WWOX: variants seen among roughly 807,000 people sequenced by gnomAD.
WWOX encodes the protein WW domain-containing oxidoreductase.
Under a neutral mutation model 46.2 loss-of-function variants are expected in WWOX, and 69 were observed. The observed-to-expected ratio is 1.49, with a 90% CI of 1.23 to 1.82. WWOX has a LOEUF of 1.82. WWOX is among the 40% of genes most tolerant of loss of function. The pLI, the probability that WWOX is intolerant of heterozygous loss-of-function variation, is 0.00. For synonymous variants in WWOX, 359 were observed against 202.6 expected (o/e 1.77, Z -6.56); for missense variants, 919 against 542.6 (o/e 1.69, Z -6.89).
chr16:79,027,897 G>C (rs1186632601), intron 8 of WWOX, among the ~76,000 whole-genome samples: 2 of 151,774 alleles, frequency 1.3e-5, no homozygotes, highest in Non-Finnish European at 2.9e-5. Context: ...TAATGTCTCA[G>C]TGTTTGAGTA....
chr16:79,087,518 C>A (rs986148330), intron 8 of WWOX, among the ~76,000 whole-genome samples: 1 of 152,192 alleles, frequency 6.6e-6, no homozygotes, highest in Non-Finnish European at 1.5e-5. Flanking sequence ...TGTGCTAGAA[C>A]AACAAGCTTG....
chr16:78,382,964 TC>T (rs2081986518), intron 5 of WWOX, among the ~76,000 whole-genome samples: 1 of 151,656 alleles, frequency 6.6e-6, no homozygotes, highest in South Asian at 2.1e-4. Flanking sequence ...TTAGGAAACT[TC>T]CAATCATGGC....
At chr16:78,390,469 CAA>C (rs1179588243) in intron 6 of WWOX, among the ~76,000 whole-genome samples, 1 of 152,182 alleles carries the variant, frequency 6.6e-6, no homozygotes, top group Non-Finnish European at 1.5e-5. Flanking sequence ...GGTTGAGAAA[CAA>C]GGGTGATTTT....
chr16:78,469,423 C>G (rs1290610572), intron 8 of WWOX, among the ~76,000 whole-genome samples: 3 of 152,074 alleles, frequency 2.0e-5, no homozygotes, highest in Non-Finnish European at 4.4e-5. Context: ...TGAAGGCAAA[C>G]CAAAAGTGAG....
chr16:78,264,315 G>C (rs187397955), intron 5 of WWOX, among the ~76,000 whole-genome samples: 140 of 152,152 alleles, frequency 9.2e-4, no homozygotes, highest in Non-Finnish European at 1.8e-3. Flanking sequence ...TTATACATGC[G>C]GAAGAATTAT....
intron 8 of WWOX, among the ~76,000 whole-genome samples, chr16:79,037,904 G>A (rs1178489694): frequency 2.6e-5 from 4 of 152,046 alleles, no homozygotes; most frequent in Non-Finnish European, 4.4e-5. Flanking sequence ...TGCAGCCAAA[G>A]GACAGGCTTT....
intron 8 of WWOX, among the ~76,000 whole-genome samples, chr16:78,950,630 C>A (rs1178769584): frequency 6.6e-6 from 1 of 151,702 alleles, no homozygotes; most frequent in Admixed American, 6.6e-5. Flanking sequence ...AAAATGACTT[C>A]CATTAAATAG....
chr16:78,858,767 C>G (rs867152543), intron 8 of WWOX, among the ~76,000 whole-genome samples: 8 of 151,870 alleles, frequency 5.3e-5, no homozygotes, highest in Admixed American at 6.6e-5. Flanking sequence ...CAGCCTCAAA[C>G]TTCTAGGCTT....
intron 8 of WWOX, among the ~76,000 whole-genome samples, chr16:78,678,054 T>C (rs1011772938): frequency 6.6e-6 from 1 of 152,332 alleles, no homozygotes; most frequent in East Asian, 1.9e-4. Context: ...TTAGCAGACA[T>C]CATTTCTCTG....
intron 8 of WWOX, among the ~76,000 whole-genome samples, chr16:79,124,029 G>T (rs978358505): frequency 6.6e-6 from 1 of 152,158 alleles, no homozygotes; most frequent in African/African-American, 2.4e-5. Flanking sequence ...GCCCCTGATT[G>T]TCTTATTAAA....
Position 78,680,700 on chromosome 16 carries a change from C to A in WWOX, c.1056+247948C>A, listed in dbSNP as rs139743803. 5.4e-4 allele frequency among the ~76,000 whole-genome samples: 83 copies of A among 152,338 alleles called. 2 individuals are homozygous for A. The East Asian group carries it at 7.7e-3, about 14-fold the overall frequency. ...ATCCGGACACATCTAGTGGCTCCCA[C>A]TGTGGGTAGCACATACAGAAAGAAC... On this transcript the variant is annotated intron_variant, in intron 8 of 8. Transcript: ENST00000566780.
At chr16:78,509,513 A>T (rs1299956960) in intron 8 of WWOX, among the ~76,000 whole-genome samples, 1 of 152,096 alleles carries the variant, frequency 6.6e-6, no homozygotes, top group African/African-American at 2.4e-5. Flanking sequence ...GCATGTGACT[A>T]TTAGCTGTGC....
chr16:78,783,580 G>T (rs762007637), intron 8 of WWOX, among the ~76,000 whole-genome samples: 45 of 152,238 alleles, frequency 3.0e-4, no homozygotes, highest in Admixed American at 2.9e-3. Context: ...GAAGCCCTAT[G>T]CCTTTGGGAA....
chr16:78,566,547 C>T (rs888168264), intron 8 of WWOX, among the ~76,000 whole-genome samples: 1 of 152,156 alleles, frequency 6.6e-6, no homozygotes, highest in South Asian at 2.1e-4. Context: ...CAAGGACCAA[C>T]TGAGGCTGTC....
chr16:78,328,305 T>C (rs1314262712), intron 5 of WWOX, among the ~76,000 whole-genome samples: 2 of 152,238 alleles, frequency 1.3e-5, no homozygotes, highest in Non-Finnish European at 2.9e-5. Context: ...TTTCTTGTCA[T>C]GTGATTTGAT....
intron 5 of WWOX, among the ~76,000 whole-genome samples, chr16:78,266,435 A>G (rs1175267250): frequency 1.3e-5 from 2 of 152,002 alleles, no homozygotes; most frequent in African/African-American, 4.8e-5. Context: ...AGCCTAAAAT[A>G]CTCTCTGCTC....
chr16:79,037,508 G>C (rs1471394058), intron 8 of WWOX, among the ~76,000 whole-genome samples: 1 of 152,110 alleles, frequency 6.6e-6, no homozygotes, highest in Non-Finnish European at 1.5e-5. Flanking sequence ...GGACTCAGCA[G>C]CTGTCACCTT....
At position 78,452,001 on chromosome 16, in the gene WWOX, C is replaced by G. The variant is rs181797847; in HGVS notation, c.1056+19249C>G. ...ATGCAATGGTTAGCATATCAACTTC[C>G]TTCTGTTTTTAGTGACTCTAATACA... On this transcript the variant is annotated intron_variant, in intron 8 of 8. Transcript: ENST00000566780. Among the ~76,000 whole-genome samples the G allele has an allele frequency of 2.5e-3, 380 of 152,260 alleles. 1 individual carries two copies. The highest frequency in any genetic ancestry group is 5.2e-3 in the Admixed American group (80 of 15,304).
intron 8 of WWOX, among the ~76,000 whole-genome samples, chr16:78,755,211 GAAA>G: frequency 7.7e-6 from 1 of 130,366 alleles, no homozygotes; most frequent in Middle Eastern, 3.9e-3. Flanking sequence ...AACTTAAAGT[GAAA>G]GGAAAAAAAA....
Sources: gnomAD v4.1 joint callset for allele counts (sites outside exome capture counted in the v4.1 genomes callset) on GRCh38, gnomAD v4.1.1 for gene constraint, MANE v1.5 for transcripts, NCBI Gene and HGNC (gene_info 2026-07-23, HGNC 2026-07-21) for gene names.